The following ADAT1 variants were observed in gnomAD, a reference collection of about 807,000 sequenced individuals.
ADAT1 encodes the protein adenosine deaminase tRNA specific 1.
ADAT1 carries 58 observed loss-of-function variants against 58.6 expected under a neutral mutation model. The observed-to-expected ratio is 0.99, with a 90% confidence interval of 0.80 to 1.23. The LOEUF is 1.23. Ranked by LOEUF, ADAT1 falls within the 50% of genes most tolerant of loss-of-function variation. The pLI, the probability that ADAT1 is intolerant of heterozygous loss-of-function variation, is 0.00. For missense variants in ADAT1, 741 were observed against 608.6 expected, an observed-to-expected ratio of 1.22 and a Z score of -2.29; for synonymous variants, 254 against 220.8, an observed-to-expected ratio of 1.15 and a Z score of -1.33.
At position 75,600,266 on chromosome 16, in the gene ADAT1, C is replaced by T. The variant is rs1363638085; in HGVS notation, c.1459G>A (p.Val487Met). 14 of 1,614,040 alleles carry T rather than the reference C, an allele frequency of 8.7e-6. No individual in the cohort carries two copies. The highest frequency in any genetic ancestry group is 1.2e-5 in the Non-Finnish European group (14 of 1,180,034). The part of the protein sequence containing the change: ...QEAWSTLRKQ[V>M]FGSWIRNPPD... ...GGGTTTCTGATCCAGGATCCAAACA[C>T]CTGCTTCCGGAGTGTGCTCCAGGCT... Residue 487 changes from valine (V) to methionine (M), a missense_variant, in exon 10 of 10, where the codon GTG (valine) becomes ATG (methionine). Transcript: ENST00000564657.
At chr16:75,616,868 G>C (rs2081744684) in intron 5 of ADAT1, among the ~76,000 whole-genome samples, 1 of 152,228 alleles carries the variant, frequency 6.6e-6, no homozygotes, top group Non-Finnish European at 1.5e-5. Context: ...TGAGGTTTCA[G>C]CCTTACGCTC....
At position 75,608,907 on chromosome 16, in the gene ADAT1, C is replaced by T. The variant is rs766979964; in HGVS notation, c.1125G>A (p.Gln375=). ...KILQSDLLFE[Q]SRSAVQAKRA... is the part of the protein sequence containing the mutation. ...TTTTTGCCTGCACCGCACTGCGGCT[C>T]TGTTCAAATAGTAAATCTGACTGCA... Residue 375 remains glutamine, a synonymous_variant, in exon 7 of 10, where the codon CAG becomes CAA. Transcript: ENST00000564657. 1.2e-6 allele frequency: 2 copies of T among 1,614,116 alleles called. No individual in the cohort carries two copies. Among genetic ancestry groups the T allele is most frequent in the Non-Finnish European group, 1.7e-6 (2 of 1,180,038 alleles).
intron 5 of ADAT1, among the ~76,000 whole-genome samples, chr16:75,614,921 A>T (rs986373854): frequency 6.6e-6 from 1 of 152,078 alleles, no homozygotes; most frequent in South Asian, 2.1e-4. Context: ...ATCAAGGAAG[A>T]TCTTTAAAAA....
chr16:75,609,237 T>C (rs930731324), intron 6 of ADAT1, among the ~76,000 whole-genome samples: 2 of 152,130 alleles, frequency 1.3e-5, no homozygotes, highest in African/African-American at 2.4e-5. Context: ...AACACCAAAC[T>C]CCATTCCTGA....
intron 8 of ADAT1, 97 bp downstream of exon 8, chr16:75,608,127 G>A (rs1221133664): frequency 2.9e-6 from 3 of 1,036,052 alleles, no homozygotes; most frequent in Non-Finnish European, 3.0e-6. Flanking sequence ...TAATGGGTAT[G>A]GTTGTTCTTT....
intron 3 of ADAT1, chr16:75,619,621 A>G (rs908472823): frequency 4.4e-6 from 2 of 455,332 alleles, no homozygotes; most frequent in Non-Finnish European, 8.8e-6. Flanking sequence ...CTGTCATTCA[A>G]GATTGCTTAC....
chr16:75,616,613 C>T (rs1038650207), intron 5 of ADAT1, among the ~76,000 whole-genome samples: 1 of 152,192 alleles, frequency 6.6e-6, no homozygotes, highest in African/African-American at 2.4e-5. Context: ...TCTTATGCAA[C>T]CATAGCACCT....
rs1477522368 is a variant in ADAT1, at chr16:75,612,657, T to C, written c.629A>G (p.Asn210Ser). Residue 210 changes from asparagine (N) to serine (S), a missense_variant, in exon 6 of 10, where the codon AAC becomes AGC. By Grantham distance (46) the Asn-to-Ser change is conservative. Transcript: ENST00000564657. Reference sequence around the variant, plus strand: ...AAAACTCTGATGGTGAGCTGCTCCGTTGGTGACCTCCCTGGCTGCAGTCCC... The same window carrying C: ...AAAACTCTGATGGTGAGCTGCTCCGCTGGTGACCTCCCTGGCTGCAGTCCC... ...EPGTAAREVTNGAAHHQSFGK... is the reference protein window; with the variant it reads ...EPGTAAREVTSGAAHHQSFGK... The C allele has an allele frequency of 6.2e-7, 1 of 1,614,112 alleles. No homozygotes were observed. Among genetic ancestry groups the C allele is most frequent in the Non-Finnish European group, 8.5e-7 (1 of 1,180,032 alleles).
chr16:75,601,873 T>C (rs1263547467), intron 9 of ADAT1: 1 of 152,192 alleles, frequency 6.6e-6, no homozygotes, highest in African/African-American at 2.4e-5. Context: ...CGATGCCTCT[T>C]CATATAGAAG....
rs2151756121 is a variant in ADAT1, at chr16:75,608,416, C to G, written c.1190-93G>C. ...AAAAATATTTCTCTGACTCTACAGA[C>G]CCATGAGAGCTGGATATGATGTCAC... On this transcript the variant is annotated intron_variant, in intron 7 of 9. Coordinates refer to ENST00000564657, the MANE Select transcript of ADAT1 (RefSeq NM_001324445.2). 14 of 1,069,064 alleles carry G rather than the reference C, an allele frequency of 1.3e-5. No individual in the cohort carries two copies. In the South Asian group the frequency reaches 1.8e-4, roughly 13 times the overall value. The allele number at this position is 1,069,064 out of a possible 1,614,324, so 66.2% of individuals were successfully genotyped here. A position where few individuals can be genotyped will look rare whatever the true frequency, so the allele number is the denominator to read the frequency against.
At position 75,600,116 on chromosome 16, in the gene ADAT1, A is replaced by G. The variant is rs7206481; in HGVS notation, c.*100T>C. 307,489 of 1,548,498 alleles carry G rather than the reference A, an allele frequency of 0.2. 32,622 individuals are homozygous for G. The highest frequency in any genetic ancestry group is 0.33 in the African/African-American group (24,243 of 73,074). On this transcript the variant is annotated 3_prime_UTR_variant, in exon 10 of 10. Transcript: ENST00000564657. Reference sequence around the variant, plus strand: ...AACAGAGATGCAAAGCTCAGAAAGAATGTTCCCTGATTTAACTACCAAAAA... The same window carrying G: ...AACAGAGATGCAAAGCTCAGAAAGAGTGTTCCCTGATTTAACTACCAAAAA...
At position 75,599,905 on chromosome 16, in the gene ADAT1, T is replaced by A; in HGVS notation, c.*311A>T. On this transcript the variant is annotated 3_prime_UTR_variant, in exon 10 of 10. Coordinates refer to ENST00000564657, the MANE Select transcript of ADAT1 (RefSeq NM_001324445.2). ...TTTGCTGAATCAATGTAGGAACCCA[T>A]AAAACAGAGCTGCTGCAGAGTACTT... 9.3e-7 allele frequency: 1 copy of A among 1,078,930 alleles called. No homozygotes were observed. The highest frequency in any genetic ancestry group is 1.6e-5 in the African/African-American group (1 of 60,922). The allele number at this position is 1,078,930 out of a possible 1,614,324, so 66.8% of individuals were successfully genotyped here. A position where few individuals can be genotyped will look rare whatever the true frequency, so the allele number is the denominator to read the frequency against.
Position 75,604,474 on chromosome 16 carries a change from TACACACACACACACACACACAC to T in ADAT1, c.1290-1325_1290-1304del, listed in dbSNP as rs373687206. Reference sequence around the variant, plus strand: ...AAAAAAAAATATATATATATATATATACACACACACACACACACACACACACACACACACACACACACACATA... The same window carrying T: ...AAAAAAAAATATATATATATATATATACACACACACACACACACACACATA... On this transcript the variant is annotated intron_variant, in intron 8 of 9. Transcript: ENST00000564657. Among the ~76,000 whole-genome samples, 5 of 54,020 alleles carry T rather than the reference TACACACACACACACACACACAC, an allele frequency of 9.3e-5. No individual in the cohort carries two copies. The South Asian group carries it at 2.6e-3, about 29-fold the overall frequency. 35.4% of individuals were successfully genotyped at this position (54,020 alleles called of 152,430 possible).
At chr16:75,617,623 G>T (rs1378042339) in intron 4 of ADAT1, among the ~76,000 whole-genome samples, 1 of 151,424 alleles carries the variant, frequency 6.6e-6, no homozygotes, top group Non-Finnish European at 1.5e-5. Context: ...GACAGAGTGA[G>T]ACTCTATTTT....
At chr16:75,609,131 G>T in intron 6 of ADAT1, 143 bp from the exon 7 acceptor site, 2 of 975,482 alleles carry the variant, frequency 2.1e-6, no homozygotes, top group Non-Finnish European at 1.5e-6. Context: ...TTTCAGAATA[G>T]AATCAAGATT....
At chr16:75,603,541 G>A (rs1193931967) in intron 8 of ADAT1, among the ~76,000 whole-genome samples, 1 of 152,214 alleles carries the variant, frequency 6.6e-6, no homozygotes, top group Non-Finnish European at 1.5e-5. Flanking sequence ...AGAGATCTGA[G>A]TGCTGTTCCC....
At chr16:75,622,021 G>A (rs2081946361) in intron 1 of ADAT1, among the ~76,000 whole-genome samples, 2 of 152,168 alleles carry the variant, frequency 1.3e-5, no homozygotes, top group South Asian at 2.1e-4. Flanking sequence ...GTGATGGCGC[G>A]TGCCTGTAGT....
chr16:75,620,162 G>A, intron 3 of ADAT1, 104 bp downstream of exon 3: 1 of 1,110,394 alleles, frequency 9.0e-7, no homozygotes, highest in South Asian at 1.3e-5. Context: ...GGAAACAAAT[G>A]CCATGCACCT....
In ADAT1 at chr16:75,617,283, C is replaced by T. The variant is rs766950900; in HGVS notation, c.294-11G>A. Reference sequence around the variant, plus strand: ...TGGTGGAGAAGGTACCTAAGGGTTGCAAGATGTTATTAGGATGAACAACCG... The same window carrying T: ...TGGTGGAGAAGGTACCTAAGGGTTGTAAGATGTTATTAGGATGAACAACCG... On this transcript the variant is annotated splice_polypyrimidine_tract_variant and intron_variant, in intron 4 of 9. Transcript: ENST00000564657. The T allele has an allele frequency of 1.2e-6, 2 of 1,609,582 alleles. No homozygotes were observed. Among genetic ancestry groups the T allele is most frequent in the Admixed American group, 1.7e-5 (1 of 59,836 alleles).
Sources: allele counts gnomAD v4.1 joint callset (sites outside exome capture counted in the v4.1 genomes callset), GRCh38; gene constraint gnomAD v4.1.1; transcripts MANE v1.5; gene names NCBI Gene and HGNC (gene_info 2026-07-23, HGNC 2026-07-21).